MCCC2: variants seen among roughly 807,000 people sequenced by gnomAD.
MCCC2 encodes the protein methylcrotonoyl-CoA carboxylase beta chain, mitochondrial.
MCCC2 carries 52 observed loss-of-function variants against 77.2 expected under a neutral mutation model. That is an observed-to-expected ratio of 0.67 (90% CI 0.54 to 0.85). The LOEUF (loss-of-function observed/expected upper bound fraction) is 0.85, where lower values mean the gene tolerates loss of function less well. MCCC2 is among the 40% of genes least tolerant of loss of function. The probability of loss-of-function intolerance (pLI) is 0.00; values close to 1 mark genes in which losing one functional copy is unlikely to be tolerated. For missense variants in MCCC2, 682 were observed against 703.2 expected (o/e 0.97, Z 0.34); for synonymous variants, 253 against 248.4 (o/e 1.02, Z -0.18).
chr5:71,640,905 T>A (rs1448259631), intron 10 of MCCC2, 98 bp from the exon 11 acceptor site: 41 of 1,043,858 alleles, frequency 3.9e-5, no homozygotes, highest in Non-Finnish European at 5.3e-5. Context: ...TTTGTGAAAG[T>A]GACAACTTCA....
At chr5:71,597,228 T>C (rs73122780) in intron 3 of MCCC2, among the ~76,000 whole-genome samples, 280 of 152,078 alleles carry the variant, frequency 1.8e-3, no homozygotes, top group African/African-American at 6.1e-3. Flanking sequence ...GCTGGTATGC[T>C]CAAGGGGCAG....
intron 3 of MCCC2, 123 bp downstream of exon 3, chr5:71,596,487 A>T (rs971138803): frequency 3.7e-5 from 33 of 884,292 alleles, no homozygotes; most frequent in Admixed American, 7.6e-5. Context: ...ACATGTGTTT[A>T]TTGAGAGCCT....
At chr5:71,648,991 G>A (rs1747352241) in intron 13 of MCCC2, 106 bp from the exon 14 acceptor site, 1 of 1,265,468 alleles carries the variant, frequency 7.9e-7, no homozygotes, top group East Asian at 2.3e-5. Context: ...AAGGCGAGAG[G>A]CATTTAGTAA....
At position 71,650,090 on chromosome 5, in the gene MCCC2, G is replaced by T; in HGVS notation, c.1395G>T (p.Trp465Cys). ...CCAGCCCAAGATTTCTCTACATTTG[G>T]CCAAATGCTCGTATCTCAGTGATGG... The part of the protein sequence containing the change: ...RAYSPRFLYI[W>C]PNARISVMGG... Residue 465 changes from tryptophan to cysteine, a missense_variant, in exon 15 of 17, where the codon TGG becomes TGT. Transcript: ENST00000340941. 1 of 1,613,984 alleles carries T rather than the reference G, an allele frequency of 6.2e-7. No homozygotes were observed.
At chr5:71,592,306 G>A (rs1352953828) in intron 1 of MCCC2, among the ~76,000 whole-genome samples, 1 of 152,122 alleles carries the variant, frequency 6.6e-6, no homozygotes, top group East Asian at 1.9e-4. Flanking sequence ...GCTTGATCTC[G>A]GGAGGCGGAG....
chr5:71,646,664 C>G (rs192682677), intron 13 of MCCC2, among the ~76,000 whole-genome samples: 1 of 152,304 alleles, frequency 6.6e-6, no homozygotes, highest in East Asian at 1.9e-4. Flanking sequence ...CGAGCCACCA[C>G]ACCTTGCTGA....
intron 16 of MCCC2, among the ~76,000 whole-genome samples, chr5:71,654,938 G>C (rs548956271): frequency 6.6e-6 from 1 of 151,864 alleles, no homozygotes; most frequent in South Asian, 2.1e-4. Context: ...GGGTTCAAGG[G>C]ATTCTCCTGC....
intron 6 of MCCC2, among the ~76,000 whole-genome samples, chr5:71,624,693 CTTTTTTTTT>C (rs36140678): frequency 9.8e-6 from 1 of 101,900 alleles, no homozygotes; most frequent in Non-Finnish European, 1.9e-5. Context: ...TTCTTTCTTT[CTTTTTTTTT>C]TTTTTTTTTT....
chr5:71,587,625 C>T, intron 1 of MCCC2, 71 bp downstream of exon 1: 2 of 1,511,142 alleles, frequency 1.3e-6, no homozygotes, highest in Admixed American at 4.0e-5. Context: ...GGGCACGCTT[C>T]AACAACTGCT....
intron 16 of MCCC2, among the ~76,000 whole-genome samples, chr5:71,655,101 T>A (rs557540482): frequency 7.2e-5 from 11 of 152,334 alleles, no homozygotes; most frequent in African/African-American, 2.6e-4. Flanking sequence ...CCCAAAGTAC[T>A]GGGATTACAG....
intron 16 of MCCC2, among the ~76,000 whole-genome samples, chr5:71,656,417 A>G (rs981508314): frequency 1.3e-5 from 2 of 152,160 alleles, no homozygotes; most frequent in Admixed American, 6.5e-5. Flanking sequence ...GTGGGAAGAA[A>G]AGGAATAGGA....
Position 71,649,148 on chromosome 5 carries a change from C to T in MCCC2, c.1268C>T (p.Ala423Val), listed in dbSNP as rs367617209. The T allele has an allele frequency of 3.1e-6, 5 of 1,614,240 alleles. No homozygotes were observed. The African/African-American group carries it at 6.7e-5, about 22-fold the overall frequency. The change falls in exon 14 of 17, where the codon GCC (alanine) becomes GTC (valine). Residue 423 changes from alanine (A) to valine (V), a missense_variant. Coordinates refer to ENST00000340941, the MANE Select transcript of MCCC2 (RefSeq NM_022132.5). ...GCTGAAGGAATTGCCAAGGATGGTG[C>T]CAAGATGGTGGCCGCTGTGGCCTGT... Reference protein sequence around the residue: ...YEAEGIAKDGAKMVAAVACAQ... With the variant: ...YEAEGIAKDGVKMVAAVACAQ...
At chr5:71,644,623 TA>T (rs924062851) in intron 12 of MCCC2, among the ~76,000 whole-genome samples, 42 of 152,150 alleles carry the variant, frequency 2.8e-4, no homozygotes, top group Non-Finnish European at 4.7e-4. Context: ...AAATGTCTTT[TA>T]AAAAAATTTT....
chr5:71,653,871 A>G (rs1236976033), intron 16 of MCCC2, among the ~76,000 whole-genome samples: 1 of 152,052 alleles, frequency 6.6e-6, no homozygotes, highest in Admixed American at 6.6e-5. Flanking sequence ...AAAAAAAGCA[A>G]AAGTTAGAGT....
chr5:71,602,857 GT>G, intron 5 of MCCC2: 3 of 563,822 alleles, frequency 5.3e-6, no homozygotes, highest in Admixed American at 7.1e-5. Context: ...ACGCATGCCA[GT>G]TTTTTTCTCT....
chr5:71,587,529 C>T lies in MCCC2; in HGVS notation c.104C>T (p.Pro35Leu), dbSNP rs925336033. Residue 35 changes from proline to leucine, a missense_variant, in exon 1 of 17, where the codon CCG becomes CTG. Coordinates refer to ENST00000340941, the MANE Select transcript of MCCC2 (RefSeq NM_022132.5). ...GDSVASLGTQ[P>L]DLGSALYQEN... ...TCGGTGGCCTCGCTGGGCACCCAGC[C>T]GGACTTGGGCTCTGCCCTCTACCAG... 36 of 1,538,036 alleles carry T rather than the reference C, an allele frequency of 2.3e-5. No homozygotes were observed. The highest frequency in any genetic ancestry group is 2.9e-5 in the Non-Finnish European group (33 of 1,146,392).
chr5:71,602,876 G>T, intron 5 of MCCC2: 6 of 506,700 alleles, frequency 1.2e-5, no homozygotes, highest in South Asian at 8.0e-5. Context: ...TCTATGTGTT[G>T]TGTGGTTTTT....
chr5:71,598,360 C>T (rs1745275771), intron 3 of MCCC2, among the ~76,000 whole-genome samples: 1 of 151,878 alleles, frequency 6.6e-6, no homozygotes, highest in Non-Finnish European at 1.5e-5. Context: ...TGAGCCACCA[C>T]ACCAGCCGAT....
At chr5:71,610,153 G>GC (rs1231394108) in intron 6 of MCCC2, among the ~76,000 whole-genome samples, 1 of 152,204 alleles carries the variant, frequency 6.6e-6, no homozygotes, top group Non-Finnish European at 1.5e-5. Context: ...AATGGCGAGC[G>GC]CCCCTCCCCC....
Sources: gnomAD v4.1 joint callset for allele counts (sites outside exome capture counted in the v4.1 genomes callset) on GRCh38, gnomAD v4.1.1 for gene constraint, MANE v1.5 for transcripts, NCBI Gene and HGNC (gene_info 2026-07-23, HGNC 2026-07-21) for gene names.